The following RBFOX1 variants were observed in gnomAD, a reference collection of about 807,000 sequenced individuals.
RBFOX1 encodes RNA binding fox-1 homolog 1.
Under a neutral mutation model 57.7 loss-of-function variants are expected in RBFOX1, and 8 were observed. That is an observed-to-expected ratio of 0.14 (90% confidence interval 0.08 to 0.25). The LOEUF is 0.25. Among genes scored for constraint, RBFOX1 ranks in the 10% least tolerant of loss-of-function variants. The pLI, the probability that RBFOX1 is intolerant of heterozygous loss-of-function variation, is 1.00. For synonymous variants in RBFOX1, 326 were observed against 222.4 expected (o/e 1.47, Z -4.15); for missense variants, 611 against 548.5 (o/e 1.11, Z -1.14).
rs535219558 is a variant in RBFOX1 at position 6,090,785 on chromosome 16, G to T, written c.-127+70793G>T. Among the ~76,000 whole-genome samples, 106 of 152,238 alleles carry T rather than the reference G, an allele frequency of 7.0e-4. 1 individual carries two copies. The highest frequency in any genetic ancestry group is 1.3e-3 in the Non-Finnish European group (88 of 68,020). On this transcript the variant is annotated intron_variant, in intron 1 of 15. Coordinates refer to ENST00000550418, the MANE Select transcript of RBFOX1 (RefSeq NM_018723.4). ...TCAGTCCTCTTTCTCTTTTCTTATT[G>T]TTGGATCCGTTAAGCTGTACAAATG...
chr16:6,095,393 G>A (rs75947630), intron 1 of RBFOX1, among the ~76,000 whole-genome samples: 50 of 152,294 alleles, frequency 3.3e-4, no homozygotes, highest in Non-Finnish European at 5.9e-4. Context: ...TCTTTTTACG[G>A]CCTGTGTCTG....
chr16:7,060,591 A>G (rs2053945339), intron 4 of RBFOX1, among the ~76,000 whole-genome samples: 1 of 152,186 alleles, frequency 6.6e-6, no homozygotes, highest in Non-Finnish European at 1.5e-5. Flanking sequence ...ACAAAATAAA[A>G]TTATGCTTAT....
chr16:7,392,816 C>G (rs1362164312), intron 4 of RBFOX1, among the ~76,000 whole-genome samples: 2 of 151,730 alleles, frequency 1.3e-5, no homozygotes, highest in African/African-American at 2.4e-5. Flanking sequence ...TTTTGACTCT[C>G]TTTGGTGTCT....
chr16:6,845,550 T>C (rs1471779713), intron 3 of RBFOX1, among the ~76,000 whole-genome samples: 2 of 152,212 alleles, frequency 1.3e-5, no homozygotes, highest in African/African-American at 4.8e-5. Flanking sequence ...TGTCTGTTTT[T>C]GCACCAGTGC....
intron 4 of RBFOX1, among the ~76,000 whole-genome samples, chr16:7,181,681 G>T (rs1278587305): frequency 6.6e-6 from 1 of 152,064 alleles, no homozygotes; most frequent in Non-Finnish European, 1.5e-5. Flanking sequence ...GTGTGCCTCA[G>T]CCTCCCGAGT....
intron 3 of RBFOX1, among the ~76,000 whole-genome samples, chr16:6,729,688 T>A (rs2154172399): frequency 6.6e-6 from 1 of 152,246 alleles, no homozygotes; most frequent in Middle Eastern, 3.4e-3. Context: ...GACCTCAGAT[T>A]AGTTTGTTGG....
chr16:6,195,875 G>A (rs916934955), intron 1 of RBFOX1, among the ~76,000 whole-genome samples: 16 of 152,022 alleles, frequency 1.1e-4, no homozygotes, highest in Non-Finnish European at 2.1e-4. Context: ...ATGTGATTTA[G>A]GAATCATGAT....
At chr16:7,016,549 C>T (rs972789358) in intron 3 of RBFOX1, among the ~76,000 whole-genome samples, 1 of 152,114 alleles carries the variant, frequency 6.6e-6, no homozygotes, top group South Asian at 2.1e-4. Context: ...TTGCACACAG[C>T]GTTTTGCATA....
intron 2 of RBFOX1, among the ~76,000 whole-genome samples, chr16:5,558,858 C>T (rs558572247): frequency 6.6e-6 from 1 of 152,162 alleles, no homozygotes; most frequent in African/African-American, 2.4e-5. Flanking sequence ...CTCAAAGGTC[C>T]ACGTACAAGA....
intron 3 of RBFOX1, among the ~76,000 whole-genome samples, chr16:6,806,041 G>C (rs1409920719): frequency 6.6e-6 from 1 of 152,160 alleles, no homozygotes; most frequent in African/African-American, 2.4e-5. Context: ...GCTAGTTGCA[G>C]CTCTATAAGA....
At chr16:6,217,317 A>T (rs374253727) in intron 1 of RBFOX1, among the ~76,000 whole-genome samples, 2 of 151,984 alleles carry the variant, frequency 1.3e-5, no homozygotes, top group African/African-American at 4.8e-5. Context: ...TTATTGGAGC[A>T]TGCATGTGTT....
chr16:7,018,667 C>T (rs945486687), intron 3 of RBFOX1, among the ~76,000 whole-genome samples: 4 of 151,950 alleles, frequency 2.6e-5, no homozygotes, highest in South Asian at 2.1e-4. Flanking sequence ...TGTTCCACAA[C>T]ATTAGGAGAT....
chr16:5,349,358 T>C (rs1298259599), intron 1 of RBFOX1, among the ~76,000 whole-genome samples: 1 of 152,164 alleles, frequency 6.6e-6, no homozygotes, highest in African/African-American at 2.4e-5. Flanking sequence ...TTCCCATAGT[T>C]AACAACACCA....
chr16:6,513,153 C>T (rs565422362), intron 2 of RBFOX1, among the ~76,000 whole-genome samples: 1 of 152,174 alleles, frequency 6.6e-6, no homozygotes, highest in African/African-American at 2.4e-5. Context: ...AGGTAGCTCT[C>T]TGAGCTTCAG....
intron 14 of RBFOX1, 92 bp from the exon 15 acceptor site, chr16:7,708,964 C>A (rs1368178908): frequency 8.3e-7 from 1 of 1,206,276 alleles, no homozygotes; most frequent in South Asian, 1.3e-5. Flanking sequence ...AGTAGGGCCC[C>A]TGCATACTGT....
intron 3 of RBFOX1, among the ~76,000 whole-genome samples, chr16:6,824,293 T>A (rs2154279237): frequency 6.6e-6 from 1 of 152,246 alleles, no homozygotes; most frequent in South Asian, 2.1e-4. Flanking sequence ...TAATCCCGGC[T>A]ACTCATGGAG....
chr16:5,627,081 A>T (rs2048369637), intron 3 of RBFOX1, among the ~76,000 whole-genome samples: 1 of 152,244 alleles, frequency 6.6e-6, no homozygotes, highest in Non-Finnish European at 1.5e-5. Context: ...TTTCCTCAGA[A>T]GTATTTAAGC....
chr16:7,291,039 A>G (rs1036818942), intron 4 of RBFOX1, among the ~76,000 whole-genome samples: 3 of 152,190 alleles, frequency 2.0e-5, no homozygotes, highest in Admixed American at 6.5e-5. Flanking sequence ...GTACATTCAT[A>G]TCATTAAAGC....
intron 2 of RBFOX1, among the ~76,000 whole-genome samples, chr16:6,629,018 A>G (rs1294800709): frequency 1.3e-5 from 2 of 152,214 alleles, no homozygotes; most frequent in Non-Finnish European, 2.9e-5. Flanking sequence ...TGACAGAGTA[A>G]GACTCCATCT....
Sources: allele counts gnomAD v4.1 joint callset (sites outside exome capture counted in the v4.1 genomes callset), GRCh38; gene constraint gnomAD v4.1.1; transcripts MANE v1.5; gene names NCBI Gene and HGNC (gene_info 2026-07-23, HGNC 2026-07-21).